DNAJB1: variants seen among roughly 807,000 people sequenced by gnomAD.
DNAJB1 encodes dnaJ homolog subfamily B member 1.
A neutral mutation model predicts 24.0 loss-of-function variants in DNAJB1; 14 were observed. That is an observed-to-expected ratio of 0.58 (90% confidence interval 0.39 to 0.91). The LOEUF is 0.91. Ranked by LOEUF, DNAJB1 falls within the 40% of genes least tolerant of loss-of-function variation. DNAJB1 has a pLI of 0.00. For missense variants in DNAJB1, 517 were observed against 458.1 expected (o/e 1.13, Z -1.17); for synonymous variants, 262 against 174.4 (o/e 1.50, Z -3.96).
upstream of DNAJB1, among the ~76,000 whole-genome samples, chr19:14,550,594 G>C (rs1484496101): frequency 6.6e-6 from 1 of 152,132 alleles, no homozygotes; most frequent in African/African-American, 2.4e-5. Flanking sequence ...ACCATCCCCT[G>C]GGGGTCTGGG....
intron 2 of DNAJB1, 129 bp downstream of exon 2, chr19:14,516,337 G>C: frequency 1.6e-6 from 2 of 1,282,634 alleles, no homozygotes; most frequent in Middle Eastern, 1.9e-4. Flanking sequence ...GCCCTGGTCA[G>C]TCCTGTTCAC....
chr19:14,543,204 A>G (rs927088612), intron 1 of DNAJB1, among the ~76,000 whole-genome samples: 2 of 145,290 alleles, frequency 1.4e-5, no homozygotes, highest in Non-Finnish European at 3.0e-5. Context: ...AGACACCTCA[A>G]GTGTCTAACT....
upstream of DNAJB1, chr19:14,530,321 CTT>C (rs1876635699): frequency 6.4e-6 from 1 of 155,632 alleles, no homozygotes; most frequent in African/African-American, 2.4e-5. Context: ...CACAGCCACT[CTT>C]GAAGCCCAAG....
chr19:14,547,703 G>T (rs568396729), intron 1 of DNAJB1, among the ~76,000 whole-genome samples: 3 of 149,392 alleles, frequency 2.0e-5, no homozygotes, highest in Non-Finnish European at 4.4e-5. Flanking sequence ...CTGTCACCCA[G>T]GTTGGAGTGC....
At chr19:14,541,783 A>AT (rs113623037) in intron 1 of DNAJB1, among the ~76,000 whole-genome samples, 2,585 of 134,372 alleles carry the variant, frequency 0.019, 37 homozygotes, top group South Asian at 0.057. Flanking sequence ...ACTTCTTTTC[A>AT]TTTTTTTTTT....
upstream of DNAJB1, chr19:14,518,399 CCG>C: frequency 6.6e-7 from 1 of 1,507,842 alleles, no homozygotes; most frequent in Non-Finnish European, 8.8e-7. Flanking sequence ...CCCGGCTCCG[CCG>C]CCGACCAGTC....
intron 1 of DNAJB1, among the ~76,000 whole-genome samples, chr19:14,541,832 G>T (rs928762634): frequency 6.6e-6 from 1 of 151,404 alleles, no homozygotes; most frequent in East Asian, 1.9e-4. Context: ...ACCAAGGCTG[G>T]AGTGCAATGG....
intron 1 of DNAJB1, among the ~76,000 whole-genome samples, chr19:14,528,925 G>T (rs2072504625): frequency 6.6e-6 from 1 of 152,174 alleles, no homozygotes; most frequent in African/African-American, 2.4e-5. Flanking sequence ...CTGGGGGACA[G>T]AACGAGATTG....
At chr19:14,545,917 G>C (rs1454641651) in intron 1 of DNAJB1, 1 of 152,394 alleles carries the variant, frequency 6.6e-6, no homozygotes, top group Non-Finnish European at 1.5e-5. Context: ...AGGCAGAGCT[G>C]AGTGGCTCAG....
upstream of DNAJB1, among the ~76,000 whole-genome samples, chr19:14,522,361 T>C (rs1288573967): frequency 6.6e-6 from 1 of 151,744 alleles, no homozygotes; most frequent in Non-Finnish European, 1.5e-5. Flanking sequence ...GGGTCACGCC[T>C]GTAATCCCAG....
rs1209062300 is a variant in DNAJB1, at chr19:14,518,005, G to A, written c.211+134C>T. On this transcript the variant is annotated intron_variant, in intron 1 of 2. Transcript: ENST00000254322. Reference sequence around the variant, plus strand: ...CGCCAATCCGAGGGCGGAGGCCCGCGAGGCCGGAGGGCGGGGCAGCTCGGC... The same window carrying A: ...CGCCAATCCGAGGGCGGAGGCCCGCAAGGCCGGAGGGCGGGGCAGCTCGGC... 3.0e-6 allele frequency: 3 copies of A among 998,928 alleles called. No homozygotes were observed. In the African/African-American group the frequency reaches 5.1e-5, roughly 17 times the overall value. 61.9% of individuals were successfully genotyped at this position (998,928 alleles called of 1,614,324 possible).
intron 1 of DNAJB1, among the ~76,000 whole-genome samples, chr19:14,545,404 C>CCCTCTGCACCGCTGTCT (rs1292456896): frequency 1.6e-5 from 2 of 128,220 alleles, no homozygotes; most frequent in South Asian, 2.9e-4. Flanking sequence ...GCCCTCTGGG[C>CCCTCTGCACCGCTGTCT]CCTCTGCACC....
At chr19:14,519,134 G>A (rs939344431), upstream of DNAJB1, among the ~76,000 whole-genome samples, 1 of 152,180 alleles carries the variant, frequency 6.6e-6, no homozygotes, top group Non-Finnish European at 1.5e-5. Flanking sequence ...TTGGGAGGCC[G>A]AGGCGGGCGG....
intron 1 of DNAJB1, among the ~76,000 whole-genome samples, chr19:14,548,418 ATG>A (rs546314860): frequency 6.7e-4 from 102 of 152,198 alleles, no homozygotes; most frequent in Admixed American, 6.0e-3. Context: ...TCATGTCCAA[ATG>A]TCAGCACATC....
At chr19:14,527,095 G>A (rs2072438627) in intron 2 of DNAJB1, among the ~76,000 whole-genome samples, 2 of 150,388 alleles carry the variant, frequency 1.3e-5, no homozygotes, top group Admixed American at 6.6e-5. Context: ...ACCCAAGAAG[G>A]GCAGGGAGTG....
At chr19:14,542,347 G>GTGTTTTTTTT (rs2073125545) in intron 1 of DNAJB1, among the ~76,000 whole-genome samples, 4 of 43,282 alleles carry the variant, frequency 9.2e-5, no homozygotes, top group African/African-American at 3.2e-4. Flanking sequence ...ATGCCATAGT[G>GTGTTTTTTTT]TTTTTTTTTT....
upstream of DNAJB1, among the ~76,000 whole-genome samples, chr19:14,551,006 A>G (rs1462039830): frequency 6.6e-6 from 1 of 151,602 alleles, no homozygotes; most frequent in African/African-American, 2.4e-5. Flanking sequence ...CCTTTCTCTT[A>G]TTAAGTCCAC....
intron 1 of DNAJB1, among the ~76,000 whole-genome samples, chr19:14,528,608 G>A (rs1213086542): frequency 6.6e-6 from 1 of 152,086 alleles, no homozygotes; most frequent in Admixed American, 6.6e-5. Context: ...ACGTCAGGCA[G>A]AGACCAATGT....
At chr19:14,550,724 A>C (rs2073469825), upstream of DNAJB1, among the ~76,000 whole-genome samples, 1 of 152,116 alleles carries the variant, frequency 6.6e-6, no homozygotes, top group Admixed American at 6.5e-5. Context: ...TCTGTTGCAC[A>C]TGCAGCAGTA....
Sources: allele counts gnomAD v4.1 joint callset (sites outside exome capture counted in the v4.1 genomes callset), GRCh38; gene constraint gnomAD v4.1.1; transcripts MANE v1.5; gene names NCBI Gene and HGNC (gene_info 2026-07-23, HGNC 2026-07-21).